Variants in PPP2R5A observed in about 807,000 individuals in gnomAD.
The protein encoded by PPP2R5A is protein phosphatase 2 regulatory subunit B'alpha.
PPP2R5A carries 25 observed loss-of-function variants against 64.2 expected under a neutral mutation model. That is an observed-to-expected ratio of 0.39 (90% CI 0.28 to 0.54). The LOEUF is 0.54. Ranked by LOEUF, PPP2R5A falls within the 20% of genes least tolerant of loss-of-function variation. PPP2R5A has a pLI of 0.67. For synonymous variants in PPP2R5A, 198 were observed against 201.2 expected, an observed-to-expected ratio of 0.98 and a Z score of 0.13; for missense variants, 425 against 576.3, an observed-to-expected ratio of 0.74 and a Z score of 2.69.
At chr1:212,343,735 GC>G (rs1659727809) in intron 4 of PPP2R5A, among the ~76,000 whole-genome samples, 2 of 152,180 alleles carry the variant, frequency 1.3e-5, no homozygotes, top group South Asian at 4.1e-4. Flanking sequence ...TCCTTGTGCA[GC>G]TCTTGTGTGG....
At chr1:212,317,297 A>AT (rs1659174164) in intron 1 of PPP2R5A, among the ~76,000 whole-genome samples, 1 of 139,288 alleles carries the variant, frequency 7.2e-6, no homozygotes. Flanking sequence ...CAAAATTGCC[A>AT]TTTTTAACTG....
chr1:212,334,996 A>G (rs72752396), intron 3 of PPP2R5A, among the ~76,000 whole-genome samples: 3,408 of 151,688 alleles, frequency 0.022, 45 homozygotes, highest in African/African-American at 0.026. Flanking sequence ...TTTTTCTCTC[A>G]TCTTCTGGGA....
At chr1:212,360,434 G>A (rs1342740564) in intron 12 of PPP2R5A, among the ~76,000 whole-genome samples, 1 of 152,166 alleles carries the variant, frequency 6.6e-6, no homozygotes, top group African/African-American at 2.4e-5. Flanking sequence ...ACGTCTAGCT[G>A]GTACAGGAGA....
chr1:212,288,283 TGGGATTACAGGC>T (rs1658541599), intron 1 of PPP2R5A, among the ~76,000 whole-genome samples: 1 of 152,174 alleles, frequency 6.6e-6, no homozygotes. Context: ...CCCAAAGTGG[TGGGATTACAGGC>T]GTGAGCCACC....
rs188868902 is a variant in PPP2R5A at position 212,359,524 on chromosome 1, C to T, written c.1328+737C>T. Among the ~76,000 whole-genome samples the T allele has an allele frequency of 3.9e-4, 59 of 152,294 alleles. 1 individual carries two copies. In the East Asian group the frequency reaches 8.3e-3, roughly 21 times the overall value. ...AATCTTTCAAGAGTTACTTTCTTCT[C>T]ATATGTTTATTTCAAACTCAAGAAG... On this transcript the variant is annotated intron_variant, in intron 12 of 12. Coordinates refer to ENST00000261461, the MANE Select transcript of PPP2R5A (RefSeq NM_006243.4).
chr1:212,320,831 C>T (rs1369503215), intron 1 of PPP2R5A, among the ~76,000 whole-genome samples: 1 of 139,132 alleles, frequency 7.2e-6, no homozygotes, highest in East Asian at 2.3e-4. Flanking sequence ...CCACCTCCCT[C>T]CTGGACGGGG....
At chr1:212,360,593 G>T in intron 12 of PPP2R5A, 45 bp from the exon 13 acceptor site, 1 of 1,465,756 alleles carries the variant, frequency 6.8e-7, no homozygotes, top group Non-Finnish European at 9.2e-7. Context: ...CTCTCTTTGG[G>T]TTCTGAAATA....
At chr1:212,345,984 T>C in intron 5 of PPP2R5A, 51 bp downstream of exon 5, 1 of 1,499,522 alleles carries the variant, frequency 6.7e-7, no homozygotes, top group South Asian at 1.2e-5. Flanking sequence ...ACATATCTTC[T>C]TGTATTCAAG....
intron 1 of PPP2R5A, among the ~76,000 whole-genome samples, chr1:212,300,326 G>A (rs1346249185): frequency 1.3e-5 from 2 of 152,092 alleles, no homozygotes; most frequent in Non-Finnish European, 2.9e-5. Context: ...GACTATTTTA[G>A]GTTATAATAC....
chr1:212,319,947 G>GTTTTT (rs71137742), intron 1 of PPP2R5A, among the ~76,000 whole-genome samples: 17 of 103,338 alleles, frequency 1.6e-4, no homozygotes, highest in East Asian at 2.6e-4. Context: ...CTTACAGATT[G>GTTTTT]TTTTTTTTTT....
intron 12 of PPP2R5A, among the ~76,000 whole-genome samples, chr1:212,359,191 T>A (rs1484282515): frequency 1.3e-5 from 2 of 152,240 alleles, no homozygotes; most frequent in African/African-American, 4.8e-5. Context: ...ATTTGATTTT[T>A]TATCCATGCA....
intron 1 of PPP2R5A, among the ~76,000 whole-genome samples, chr1:212,310,832 T>A (rs1381533210): frequency 1.3e-5 from 2 of 152,164 alleles, no homozygotes; most frequent in African/African-American, 2.4e-5. Context: ...AATAAGTTGC[T>A]GTGGAAAGGA....
intron 1 of PPP2R5A, among the ~76,000 whole-genome samples, chr1:212,300,336 C>G (rs1398420596): frequency 4.6e-5 from 7 of 152,106 alleles, no homozygotes; most frequent in Admixed American, 6.5e-5. Context: ...GGTTATAATA[C>G]AATACTTGCT....
At chr1:212,335,878 G>T (rs1659586199) in intron 3 of PPP2R5A, among the ~76,000 whole-genome samples, 1 of 152,100 alleles carries the variant, frequency 6.6e-6, no homozygotes, top group Non-Finnish European at 1.5e-5. Context: ...AGATGTAGTT[G>T]AACAGTCTGA....
intron 1 of PPP2R5A, among the ~76,000 whole-genome samples, chr1:212,307,592 A>G (rs1483373689): frequency 6.6e-6 from 1 of 152,238 alleles, no homozygotes; most frequent in East Asian, 1.9e-4. Flanking sequence ...ATTATATAAT[A>G]TTATTTTGTG....
At chr1:212,309,555 T>TTTA in intron 1 of PPP2R5A, 1 of 722,678 alleles carries the variant, frequency 1.4e-6, no homozygotes, top group Non-Finnish European at 2.5e-6. Context: ...TTAATCATAG[T>TTTA]TTAGTTCTTT....
At chr1:212,289,121 G>T (rs1013217799) in intron 1 of PPP2R5A, among the ~76,000 whole-genome samples, 1 of 152,164 alleles carries the variant, frequency 6.6e-6, no homozygotes, top group African/African-American at 2.4e-5. Flanking sequence ...TAAGATTCTG[G>T]AAGGCTTGGT....
chr1:212,319,873 T>TCCAGCCTTCCACC (rs1411979255), intron 1 of PPP2R5A, among the ~76,000 whole-genome samples: 2 of 151,700 alleles, frequency 1.3e-5, no homozygotes, highest in African/African-American at 4.8e-5. Flanking sequence ...TCCGCCCGTC[T>TCCAGCCTTCCACC]CAGCCTTCCA....
rs869112186 is a variant in PPP2R5A at position 212,297,096 on chromosome 1, C to CTTTTTTTTTTTTTTTTT, written c.181+10831_181+10847dup. ...TTTCTTTTCTTTTTCTTTGCTTCTT[C>CTTTTTTTTTTTTTTTTT]TTTTTTTTTTTTTTTTTTTTTTTTT... On this transcript the variant is annotated intron_variant, in intron 1 of 12. Coordinates refer to ENST00000261461, the MANE Select transcript of PPP2R5A (RefSeq NM_006243.4). Among the ~76,000 whole-genome samples the CTTTTTTTTTTTTTTTTT allele has an allele frequency of 1.6e-4, 13 of 82,656 alleles. 1 individual carries two copies. The highest frequency in any genetic ancestry group is 2.5e-4 in the Non-Finnish European group (10 of 40,416). The allele number at this position is 82,656 out of a possible 152,430, so 54.2% of individuals were successfully genotyped here.
Sources: gnomAD v4.1 joint callset for allele counts (sites outside exome capture counted in the v4.1 genomes callset) on GRCh38, gnomAD v4.1.1 for gene constraint, MANE v1.5 for transcripts, NCBI Gene and HGNC (gene_info 2026-07-23, HGNC 2026-07-21) for gene names.